The following STKLD1 variants were observed in gnomAD, a reference collection of about 807,000 sequenced individuals.
STKLD1 encodes serine/threonine kinase like domain containing 1.
Under a neutral mutation model 80.4 loss-of-function variants are expected in STKLD1, and 79 were observed. The ratio of observed to expected loss-of-function variants is 0.98; its 90% CI spans 0.82 to 1.19. The LOEUF is 1.19. Ranked by LOEUF, STKLD1 falls within the 50% of genes most tolerant of loss-of-function variation. STKLD1 has a pLI of 0.00. For synonymous variants in STKLD1, 393 were observed against 357.6 expected (o/e 1.10, Z -1.12); for missense variants, 841 against 856.0 (o/e 0.98, Z 0.22).
chr9:133,398,090 C>T, intron 11 of STKLD1, 35 bp downstream of exon 11: 1 of 1,596,510 alleles, frequency 6.3e-7, no homozygotes. Flanking sequence ...CCCAGCTGCT[C>T]CCCTAGGGGC....
At position 133,403,730 on chromosome 9, in the gene STKLD1, A is replaced by G. The variant is rs782586055; in HGVS notation, c.1505A>G (p.Lys502Arg). Residue 502 changes from lysine to arginine, a missense_variant, in exon 15 of 18, where the codon AAG becomes AGG. By Grantham distance (26) the Lys-to-Arg change is conservative. Coordinates refer to ENST00000371957, the MANE Select transcript of STKLD1 (RefSeq NM_153710.5). ...GIIVNKAPLE[K>R]VPDLISQVLA... ...ATTGTGAACAAGGCCCCCTTGGAGA[A>G]GGTCCCGGACCTCATCAGCCAGGTG... is the stretch of plus-strand genomic sequence containing the variant. The G allele has an allele frequency of 6.2e-7, 1 of 1,613,780 alleles. No homozygotes were observed. Among genetic ancestry groups the G allele is most frequent in the Admixed American group, 1.7e-5 (1 of 60,012 alleles).
rs1246962286 is a variant in STKLD1 at position 133,385,959 on chromosome 9, C to T, written c.294+268C>T. 6.6e-6 allele frequency among the ~76,000 whole-genome samples: 1 copy of T among 151,978 alleles called. No homozygotes were observed. Among genetic ancestry groups the T allele is most frequent in the East Asian group, 1.9e-4 (1 of 5,186 alleles). Reference sequence around the variant, plus strand: ...TTTGGACAAAGTCTCGCTCTTGTCCCCCAGGCTGGAGTGTAATGGTGTGAT... The same window carrying T: ...TTTGGACAAAGTCTCGCTCTTGTCCTCCAGGCTGGAGTGTAATGGTGTGAT... On this transcript the variant is annotated intron_variant, in intron 4 of 17. Coordinates refer to ENST00000371957, the MANE Select transcript of STKLD1 (RefSeq NM_153710.5). The surrounding 1 kb of genome is among the most constrained non-coding windows in gnomAD (Gnocchi z 4.9).
Position 133,398,160 on chromosome 9 carries a change from C to A in STKLD1, c.1081+105C>A, listed in dbSNP as rs185352818. 1.5e-4 allele frequency: 162 copies of A among 1,052,016 alleles called. 1 individual carries two copies. The African/African-American group carries it at 2.4e-3, about 15-fold the overall frequency. The allele number at this position is 1,052,016 out of a possible 1,614,324, so 65.2% of individuals were successfully genotyped here. A position where few individuals can be genotyped will look rare whatever the true frequency, so the allele number is the denominator to read the frequency against. On this transcript the variant is annotated intron_variant, in intron 11 of 17. Coordinates refer to ENST00000371957, the MANE Select transcript of STKLD1 (RefSeq NM_153710.5). Reference sequence around the variant, plus strand: ...TGGCCCTCACCCCGGGCTCTCCTCGCCAGTGCTTTATTGCAGCGTGGAGGC... The same window carrying A: ...TGGCCCTCACCCCGGGCTCTCCTCGACAGTGCTTTATTGCAGCGTGGAGGC...
At position 133,384,462 on chromosome 9, in the gene STKLD1, C is replaced by T. The variant is rs2130272668; in HGVS notation, c.219+562C>T. 2 of 152,102 alleles carry T rather than the reference C, an allele frequency of 1.3e-5. No homozygotes were observed. The highest frequency in any genetic ancestry group is 2.1e-4 in the South Asian group (1 of 4,812). The allele number at this position is 152,102 out of a possible 1,614,324, so 9.4% of individuals were successfully genotyped here. On this transcript the variant is annotated intron_variant, in intron 3 of 17. Transcript: ENST00000371957. This position sits in a 1 kb window ranked among gnomAD's most constrained non-coding sequence, Gnocchi z 4.3. ...GTCTCAAAAATAAATAAATATTGGC[C>T]GGGTCCCTAGGTTAATCTACCAATA...
At position 133,402,994 on chromosome 9, in the gene STKLD1, T is replaced by TGGGCCCTCCTGCTGGACGGTGAG; in HGVS notation, c.1467_1474+15dup. The TGGGCCCTCCTGCTGGACGGTGAG allele has an allele frequency of 1.9e-6, 3 of 1,572,368 alleles. No homozygotes were observed. Among genetic ancestry groups the TGGGCCCTCCTGCTGGACGGTGAG allele is most frequent in the Non-Finnish European group, 2.6e-6 (3 of 1,159,024 alleles). On this transcript the variant is annotated frameshift_variant, in exon 14 of 18. Coordinates refer to ENST00000371957, the MANE Select transcript of STKLD1 (RefSeq NM_153710.5). LOFTEE classifies it high-confidence loss of function. ...CTGCGCCAGCGGCCTGGGCCTGCTC[T>TGGGCCCTCCTGCTGGACGGTGAG]GGGCCCTCCTGCTGGACGGTGAGGG...
chr9:133,401,907 C>A (rs1554777755), intron 13 of STKLD1, 29 bp downstream of exon 13: 1 of 1,610,254 alleles, frequency 6.2e-7, no homozygotes, highest in Admixed American at 1.7e-5. Context: ...TCCTGCCCCA[C>A]CCACGCTCCA....
intron 11 of STKLD1, among the ~76,000 whole-genome samples, chr9:133,399,261 C>G (rs1224518948): frequency 6.6e-6 from 1 of 152,092 alleles, no homozygotes; most frequent in Non-Finnish European, 1.5e-5. Flanking sequence ...CACCCATCCA[C>G]CCATCCATCC....
rs1309936623 is a variant in STKLD1, at chr9:133,397,224, C to G, written c.927C>G (p.Thr309=). ...GSFKSSCVSL[T]LHRQMVPASI... ...TCAAGTCCTCGTGCGTCTCTCTGAC[C>G]CTGCACCGGCAGATGGTGCCTGCGT... The change falls in exon 10 of 18, where the codon ACC becomes ACG. Residue 309 remains threonine (T), a synonymous_variant. Coordinates refer to ENST00000371957, the MANE Select transcript of STKLD1 (RefSeq NM_153710.5). 1 of 1,613,852 alleles carries G rather than the reference C, an allele frequency of 6.2e-7. No individual in the cohort carries two copies. The highest frequency in any genetic ancestry group is 1.3e-5 in the African/African-American group (1 of 74,922).
chr9:133,377,440 C>A (rs587640017), intron 1 of STKLD1, among the ~76,000 whole-genome samples: 1 of 152,180 alleles, frequency 6.6e-6, no homozygotes, highest in Non-Finnish European at 1.5e-5. Context: ...CCAAGGCGGG[C>A]GGATCACCTG....
chr9:133,402,295 C>T (rs1039567282), intron 13 of STKLD1, among the ~76,000 whole-genome samples: 1 of 152,142 alleles, frequency 6.6e-6, no homozygotes, highest in Non-Finnish European at 1.5e-5. Context: ...ACACCTTCAC[C>T]CACAAATCGG....
chr9:133,376,500 G>T lies in STKLD1; in HGVS notation c.27G>T (p.Arg9Ser). ...TGCTTGGGCCAGGGTCCAATCGCAG[G>T]CGCCCCACGCAGGGGGAGCGAGGCC... MLGPGSNR[R>S]RPTQGERGPG... The change falls in exon 1 of 18, where the codon AGG becomes AGT. Residue 9 changes from arginine to serine, a missense_variant. By Grantham distance (110) the Arg-to-Ser change is moderately radical. Coordinates refer to ENST00000371957, the MANE Select transcript of STKLD1 (RefSeq NM_153710.5). 6.3e-7 allele frequency: 1 copy of T among 1,597,276 alleles called. No homozygotes were observed. The highest frequency in any genetic ancestry group is 2.3e-5 in the East Asian group (1 of 43,538).
At position 133,402,910 on chromosome 9, in the gene STKLD1, G is replaced by C. The variant is rs587671240; in HGVS notation, c.1372G>C (p.Ala458Pro). ...SESLSEELQN[A>P]GLLEHILEHL... The stretch of plus-strand genomic sequence containing the variant: ...GTCACTGTCAGAGGAGCTGCAGAAT[G>C]CTGGGCTGCTGGAGCACATCCTGGA... The change falls in exon 14 of 18, where the codon GCT (alanine) becomes CCT (proline). Residue 458 changes from alanine to proline, a missense_variant. Coordinates refer to ENST00000371957, the MANE Select transcript of STKLD1 (RefSeq NM_153710.5). The C allele has an allele frequency of 2.2e-4, 343 of 1,587,456 alleles. 6 individuals are homozygous for C. The South Asian group carries it at 2.9e-3, about 14-fold the overall frequency.
intron 5 of STKLD1, chr9:133,388,644 G>A (rs1838316717): frequency 2.9e-6 from 2 of 678,106 alleles, no homozygotes; most frequent in South Asian, 1.3e-4. Context: ...TGCCTTTGGA[G>A]TTTAAGAAGC....
rs782172186 is a variant in STKLD1 at position 133,401,897 on chromosome 9, T to A, written c.1339+19T>A. On this transcript the variant is annotated intron_variant, in intron 13 of 17. Transcript: ENST00000371957. ...ACCCAGGGTGTGTCTGCCAGCCACCTCCTGCCCCACCCACGCTCCAGGACA... is the reference window on the plus strand; with the variant it reads ...ACCCAGGGTGTGTCTGCCAGCCACCACCTGCCCCACCCACGCTCCAGGACA... 1 of 1,611,620 alleles carries A rather than the reference T, an allele frequency of 6.2e-7. No individual in the cohort carries two copies. Among genetic ancestry groups the A allele is most frequent in the South Asian group, 1.1e-5 (1 of 91,012 alleles).
intron 9 of STKLD1, chr9:133,395,990 G>A: frequency 2.3e-6 from 1 of 428,642 alleles, no homozygotes; most frequent in Non-Finnish European, 4.1e-6. Context: ...ACCCCCAGGA[G>A]GCACAGGAGG....
chr9:133,401,853 C>T lies in STKLD1; in HGVS notation c.1314C>T (p.Ser438=). ...AGCCACTTCTTGTCATGGTCTACAG[C>T]CTGCTAGCCATCACCACAACCCAGG... is the stretch of plus-strand genomic sequence containing the variant. The part of the protein sequence containing the change: ...EEEPLLVMVY[S]LLAITTTQES... The change falls in exon 13 of 18, where the codon AGC becomes AGT. Residue 438 remains serine (S), a synonymous_variant. Coordinates refer to ENST00000371957, the MANE Select transcript of STKLD1 (RefSeq NM_153710.5). 1 of 1,613,562 alleles carries T rather than the reference C, an allele frequency of 6.2e-7. No homozygotes were observed. Among genetic ancestry groups the T allele is most frequent in the East Asian group, 2.2e-5 (1 of 44,876 alleles).
intron 11 of STKLD1, 92 bp downstream of exon 11, chr9:133,398,147 C>A: frequency 8.0e-7 from 1 of 1,256,356 alleles, no homozygotes; most frequent in Non-Finnish European, 1.1e-6. Flanking sequence ...GCCCTCACCC[C>A]GGGCTCTCCT....
chr9:133,383,943 GC>G, intron 3 of STKLD1, 43 bp downstream of exon 3: 1 of 1,570,262 alleles, frequency 6.4e-7, no homozygotes, highest in Non-Finnish European at 8.8e-7. Flanking sequence ...GCTCAATGGA[GC>G]ATACACAGAC....
chr9:133,379,145 C>G (rs2130259783), intron 2 of STKLD1, 23 bp downstream of exon 2: 1 of 1,603,194 alleles, frequency 6.2e-7, no homozygotes, highest in Non-Finnish European at 8.5e-7. Context: ...GCCTGTGCAT[C>G]CCATGCCGGG....
Sources: gnomAD v4.1 joint callset for allele counts (sites outside exome capture counted in the v4.1 genomes callset) on GRCh38, gnomAD v4.1.1 for gene constraint, Gnocchi (gnomAD v3.1) non-coding constraint, MANE v1.5 for transcripts, NCBI Gene and HGNC (gene_info 2026-07-23, HGNC 2026-07-21) for gene names.